The following RABEP1 variants were observed in gnomAD, a reference collection of about 807,000 sequenced individuals.
RABEP1 encodes rabaptin, RAB GTPase binding effector protein 1, also known as rab GTPase-binding effector protein 1.
In RABEP1, 51 loss-of-function variants were observed where a neutral mutation model predicts 123.4. The observed-to-expected ratio is 0.41, with a 90% CI of 0.33 to 0.52. The LOEUF (loss-of-function observed/expected upper bound fraction) is 0.52. RABEP1 is among the 20% of genes least tolerant of loss of function. RABEP1 has a pLI of 0.16. For missense variants in RABEP1, 888 were observed against 996.3 expected (o/e 0.89, Z 1.46); for synonymous variants, 347 against 355.2 (o/e 0.98, Z 0.26).
At chr17:5,298,302 C>A (rs576569914) in intron 1 of RABEP1, among the ~76,000 whole-genome samples, 2 of 152,104 alleles carry the variant, frequency 1.3e-5, no homozygotes, top group South Asian at 2.1e-4. Flanking sequence ...ATGTTACAAT[C>A]AAGGGAAGAG....
At position 5,282,342 on chromosome 17, in the gene RABEP1, G is replaced by C; in HGVS notation, c.-145G>C. Reference sequence around the variant, plus strand: ...TCCGTCTCTGCCCGCGGCTGTGGCGGCGCCGGCGGATCCAGCCTTAGCGGT... The same window carrying C: ...TCCGTCTCTGCCCGCGGCTGTGGCGCCGCCGGCGGATCCAGCCTTAGCGGT... On this transcript the variant is annotated 5_prime_UTR_variant, in exon 1 of 18. Coordinates refer to ENST00000537505, the MANE Select transcript of RABEP1 (RefSeq NM_004703.6). 1 of 581,350 alleles carries C rather than the reference G, an allele frequency of 1.7e-6. No homozygotes were observed. 36.0% of individuals were successfully genotyped at this position (581,350 alleles called of 1,614,324 possible). A position where few individuals can be genotyped will look rare whatever the true frequency, so the allele number is the denominator to read the frequency against.
At position 5,354,855 on chromosome 17, in the gene RABEP1, T is replaced by C. The variant is rs550397000; in HGVS notation, c.1095+365T>C. 4.6e-5 allele frequency among the ~76,000 whole-genome samples: 7 copies of C among 152,370 alleles called. No homozygotes were observed. In the South Asian group the frequency reaches 1.4e-3, roughly 32 times the overall value. ...GAGATTATCTAAAGCGCTGAAATGC[T>C]TAACTCCCTGTAGCATATATGAGAG... On this transcript the variant is annotated intron_variant, in intron 8 of 17. Coordinates refer to ENST00000537505, the MANE Select transcript of RABEP1 (RefSeq NM_004703.6).
chr17:5,332,428 G>A (rs1160034784), intron 3 of RABEP1, among the ~76,000 whole-genome samples: 2 of 152,060 alleles, frequency 1.3e-5, no homozygotes, highest in African/African-American at 2.4e-5. Context: ...CTTAAAAGTC[G>A]ATTTCTTCTA....
chr17:5,358,271 G>GTTA (rs138747565), intron 8 of RABEP1, among the ~76,000 whole-genome samples: 96,558 of 151,726 alleles, frequency 0.64, 32,839 homozygotes, highest in East Asian at 0.97. Context: ...ACAATTTTTC[G>GTTA]TTATAAGTAA....
intron 5 of RABEP1, among the ~76,000 whole-genome samples, chr17:5,344,328 C>T (rs2144632142): frequency 6.6e-6 from 1 of 152,080 alleles, no homozygotes; most frequent in Middle Eastern, 3.4e-3. Context: ...ATCCCAGCTA[C>T]TTGGGAGGCT....
chr17:5,317,199 A>G (rs974092554), intron 2 of RABEP1, among the ~76,000 whole-genome samples: 2 of 152,196 alleles, frequency 1.3e-5, no homozygotes, highest in African/African-American at 4.8e-5. Context: ...AATTCTCACA[A>G]AAGAACTAGC....
At chr17:5,351,006 T>G (rs1020403437) in intron 7 of RABEP1, among the ~76,000 whole-genome samples, 2 of 152,204 alleles carry the variant, frequency 1.3e-5, no homozygotes, top group African/African-American at 4.8e-5. Flanking sequence ...TAAACTTTCT[T>G]AAAACATTAT....
At chr17:5,337,255 C>T (rs998369046) in intron 4 of RABEP1, among the ~76,000 whole-genome samples, 1 of 152,032 alleles carries the variant, frequency 6.6e-6, no homozygotes, top group Non-Finnish European at 1.5e-5. Flanking sequence ...GGATGGAAGC[C>T]TTTTTATAGC....
At chr17:5,359,414 C>G (rs1036898116) in intron 8 of RABEP1, among the ~76,000 whole-genome samples, 2 of 152,024 alleles carry the variant, frequency 1.3e-5, no homozygotes, top group African/African-American at 4.8e-5. Flanking sequence ...CTGTTCTATC[C>G]CTAGCCCCTT....
intron 1 of RABEP1, among the ~76,000 whole-genome samples, chr17:5,287,351 C>A (rs1020756249): frequency 1.3e-5 from 2 of 152,154 alleles, no homozygotes; most frequent in African/African-American, 4.8e-5. Flanking sequence ...GTAATCCCAG[C>A]ACTTTGGGAG....
chr17:5,365,845 C>T (rs1435227015), intron 11 of RABEP1, among the ~76,000 whole-genome samples: 3 of 152,162 alleles, frequency 2.0e-5, no homozygotes, highest in Non-Finnish European at 2.9e-5. Context: ...TCGTGATGCA[C>T]GGAGTGTTTG....
chr17:5,308,504 G>T (rs1204916376), intron 1 of RABEP1, among the ~76,000 whole-genome samples, 190 bp from the exon 2 acceptor site: 2 of 152,164 alleles, frequency 1.3e-5, no homozygotes, highest in African/African-American at 4.8e-5. Context: ...GGGATTACAG[G>T]CGTGAGCCAC....
intron 2 of RABEP1, among the ~76,000 whole-genome samples, chr17:5,327,579 T>C (rs1906105789): frequency 6.6e-6 from 1 of 152,188 alleles, no homozygotes; most frequent in Non-Finnish European, 1.5e-5. Flanking sequence ...ACAGTATATA[T>C]GGAGTGCATA....
chr17:5,377,182 G>T lies in RABEP1; in HGVS notation c.2092G>T (p.Val698Leu). The stretch of plus-strand genomic sequence containing the variant: ...TAATGTGCGGACAGCAGCAGACCAC[G>T]TAGAAGAAAAGCTGAAGGCTGAGAT... ...IINVRTAADH[V>L]EEKLKAEILF... Residue 698 changes from valine to leucine, a missense_variant, in exon 14 of 18, where the codon GTA (valine) becomes TTA (leucine). By Grantham distance (32) the Val-to-Leu change is conservative. Coordinates refer to ENST00000537505, the MANE Select transcript of RABEP1 (RefSeq NM_004703.6). 11 of 1,613,296 alleles carry T rather than the reference G, an allele frequency of 6.8e-6. No homozygotes were observed. Among genetic ancestry groups the T allele is most frequent in the Non-Finnish European group, 8.5e-6 (10 of 1,179,830 alleles).
intron 1 of RABEP1, among the ~76,000 whole-genome samples, chr17:5,299,831 G>A (rs1030165034): frequency 2.0e-5 from 3 of 146,450 alleles, no homozygotes; most frequent in Non-Finnish European, 4.5e-5. Flanking sequence ...CTGGGTTCAA[G>A]CGATTCTCCT....
At chr17:5,337,083 C>G (rs1907163375) in intron 4 of RABEP1, among the ~76,000 whole-genome samples, 2 of 152,138 alleles carry the variant, frequency 1.3e-5, no homozygotes, top group Non-Finnish European at 2.9e-5. Context: ...AATGAAAATT[C>G]ATTTTCTCAC....
chr17:5,333,163 T>C (rs1906727696), intron 3 of RABEP1, among the ~76,000 whole-genome samples: 1 of 152,074 alleles, frequency 6.6e-6, no homozygotes, highest in African/African-American at 2.4e-5. Flanking sequence ...TAATATTCTA[T>C]TTTATTTTTT....
chr17:5,377,402 G>A lies in RABEP1; in HGVS notation c.2215+97G>A, dbSNP rs1032153053. 10 of 926,822 alleles carry A rather than the reference G, an allele frequency of 1.1e-5. No homozygotes were observed. The African/African-American group carries it at 1.5e-4, about 14-fold the overall frequency. The allele number at this position is 926,822 out of a possible 1,614,324, so 57.4% of individuals were successfully genotyped here. ...GCCATGGAGTCTGGAACACAGAAAAGCTTAGGAAAGAATTTAGTAAGGACT... is the reference window on the plus strand; with the variant it reads ...GCCATGGAGTCTGGAACACAGAAAAACTTAGGAAAGAATTTAGTAAGGACT... On this transcript the variant is annotated intron_variant, in intron 14 of 17. Transcript: ENST00000537505.
At chr17:5,318,237 T>C (rs1341618519) in intron 2 of RABEP1, among the ~76,000 whole-genome samples, 1 of 152,216 alleles carries the variant, frequency 6.6e-6, no homozygotes, top group African/African-American at 2.4e-5. Flanking sequence ...GACTTCAGTC[T>C]TCTTAGACTG....
Sources: gnomAD v4.1 joint callset for allele counts (sites outside exome capture counted in the v4.1 genomes callset) on GRCh38, gnomAD v4.1.1 for gene constraint, MANE v1.5 for transcripts, NCBI Gene and HGNC (gene_info 2026-07-23, HGNC 2026-07-21) for gene names.